NCK1: variants seen among roughly 807,000 people sequenced by gnomAD.
NCK1 encodes the protein SH2/SH3 adapter protein NCK1.
NCK1 carries 19 observed loss-of-function variants against 36.6 expected under a neutral mutation model. The observed-to-expected ratio is 0.52, with a 90% CI of 0.36 to 0.76. The LOEUF (loss-of-function observed/expected upper bound fraction) is 0.76, where lower values mean the gene tolerates loss of function less well. NCK1 is among the 30% of genes least tolerant of loss of function. The probability of loss-of-function intolerance (pLI) is 0.00; values close to 1 mark genes in which losing one functional copy is unlikely to be tolerated. For synonymous variants in NCK1, 165 were observed against 156.0 expected (o/e 1.06, Z -0.43); for missense variants, 358 against 445.6 (o/e 0.80, Z 1.77).
intron 1 of NCK1, among the ~76,000 whole-genome samples, chr3:136,913,940 G>A (rs1250811728): frequency 1.3e-5 from 2 of 152,194 alleles, no homozygotes; most frequent in Non-Finnish European, 2.9e-5. Context: ...GATTACAGGC[G>A]TGAGCCACCA....
chr3:136,933,891 A>G (rs1940455761), intron 2 of NCK1, among the ~76,000 whole-genome samples: 1 of 151,994 alleles, frequency 6.6e-6, no homozygotes, highest in Non-Finnish European at 1.5e-5. Flanking sequence ...TATTTTTAGT[A>G]GAGATGGGGT....
At chr3:136,893,147 A>AGTGT (rs142883729) in intron 1 of NCK1, among the ~76,000 whole-genome samples, 3,954 of 40,000 alleles carry the variant, frequency 0.099, 619 homozygotes, top group African/African-American at 0.15. Context: ...AATATTCCAT[A>AGTGT]GTGTGTGTGT....
At chr3:136,936,038 CTTTTT>C (rs35254283) in intron 2 of NCK1, among the ~76,000 whole-genome samples, 1 of 128,234 alleles carries the variant, frequency 7.8e-6, no homozygotes, top group Admixed American at 8.1e-5. Flanking sequence ...GTCTAAATAA[CTTTTT>C]TTTTTTTTTT....
chr3:136,873,408 A>T (rs920743297), intron 1 of NCK1, among the ~76,000 whole-genome samples: 1 of 152,088 alleles, frequency 6.6e-6, no homozygotes, highest in Admixed American at 6.5e-5. Flanking sequence ...CTGTACCCCC[A>T]TCTTATCTAG....
At chr3:136,900,836 A>G (rs185322039) in intron 1 of NCK1, among the ~76,000 whole-genome samples, 1 of 152,324 alleles carries the variant, frequency 6.6e-6, no homozygotes, top group Non-Finnish European at 1.5e-5. Context: ...CTCTAGATAT[A>G]AAATCATATC....
rs75981857 is a variant in NCK1 at position 136,907,335 on chromosome 3, C to T, written c.-18-20649C>T. On this transcript the variant is annotated intron_variant, in intron 1 of 3. Coordinates refer to ENST00000481752, the MANE Select transcript of NCK1 (RefSeq NM_001291999.2). ...GGAGATGCAGGGTCTGTTGGGTTCCCGGGCATGACAAAGTCTGGTGGGGGC... is the reference window on the plus strand; with the variant it reads ...GGAGATGCAGGGTCTGTTGGGTTCCTGGGCATGACAAAGTCTGGTGGGGGC... Among the ~76,000 whole-genome samples the T allele has an allele frequency of 3.1e-3, 465 of 152,160 alleles. 1 individual carries two copies. The highest frequency in any genetic ancestry group is 9.7e-3 in the African/African-American group (404 of 41,498).
chr3:136,919,377 A>G (rs778914567), intron 1 of NCK1, among the ~76,000 whole-genome samples: 2 of 152,154 alleles, frequency 1.3e-5, no homozygotes, highest in Non-Finnish European at 2.9e-5. Flanking sequence ...ATATGGCCCT[A>G]TTTTTATCCA....
intron 1 of NCK1, among the ~76,000 whole-genome samples, chr3:136,881,528 T>C (rs1023903134): frequency 2.0e-5 from 3 of 152,200 alleles, no homozygotes; most frequent in South Asian, 2.1e-4. Flanking sequence ...CTATTTTTTA[T>C]TGTGGTAAAC....
At position 136,867,049 on chromosome 3, in the gene NCK1, T is replaced by C. The variant is rs370857782; in HGVS notation, c.-19+4696T>C. ...TTTCCTGTTCCCTATGTTGCTTGCT[T>C]TTCTTTCTTTCTTTCTTTCTTTCTT... On this transcript the variant is annotated intron_variant, in intron 1 of 3. Transcript: ENST00000481752. Among the ~76,000 whole-genome samples the C allele has an allele frequency of 5.8e-5, 2 of 34,290 alleles. 1 individual carries two copies. Among genetic ancestry groups the C allele is most frequent in the African/African-American group, 3.1e-4 (2 of 6,444 alleles). 22.5% of individuals were successfully genotyped at this position (34,290 alleles called of 152,430 possible).
intron 1 of NCK1, among the ~76,000 whole-genome samples, chr3:136,891,931 C>T (rs1392156066): frequency 6.6e-6 from 1 of 152,224 alleles, no homozygotes; most frequent in Admixed American, 6.5e-5. Context: ...CTGTATCACT[C>T]AGGCTGGAAT....
intron 1 of NCK1, among the ~76,000 whole-genome samples, chr3:136,872,620 G>C (rs573393218): frequency 6.6e-6 from 1 of 152,240 alleles, no homozygotes; most frequent in Admixed American, 6.5e-5. Flanking sequence ...TCTGCAGGGC[G>C]TGTCGGAGGT....
chr3:136,906,769 G>A (rs951212955), intron 1 of NCK1, among the ~76,000 whole-genome samples: 9 of 152,162 alleles, frequency 5.9e-5, no homozygotes, highest in Admixed American at 3.3e-4. Flanking sequence ...CAGGTGGCAC[G>A]TGTGGTTAGT....
At chr3:136,884,315 A>G (rs1223655641) in intron 1 of NCK1, among the ~76,000 whole-genome samples, 2 of 152,216 alleles carry the variant, frequency 1.3e-5, no homozygotes, top group East Asian at 3.8e-4. Context: ...CCCTTGTCAT[A>G]TGCATTTGAA....
intron 1 of NCK1, among the ~76,000 whole-genome samples, chr3:136,902,197 T>G (rs11917123): frequency 0.13 from 14,675 of 110,126 alleles, 745 homozygotes; most frequent in African/African-American, 0.17. Context: ...TTTTTTTTTT[T>G]TTTTTGTTTT....
At position 136,934,234 on chromosome 3, in the gene NCK1, G is replaced by A. The variant is rs145321685; in HGVS notation, c.226+6007G>A. 5.5e-4 allele frequency among the ~76,000 whole-genome samples: 83 copies of A among 151,686 alleles called. 1 individual carries two copies. In the East Asian group the frequency reaches 0.015, roughly 28 times the overall value. On this transcript the variant is annotated intron_variant, in intron 2 of 3. Transcript: ENST00000481752. ...TTTTAGGGTTGGGGGTACATGTGAA[G>A]GTTTGTTACATAGGTAAATACATGT...
chr3:136,944,507 T>A (rs1376804048), intron 2 of NCK1, among the ~76,000 whole-genome samples: 2 of 152,214 alleles, frequency 1.3e-5, no homozygotes. Flanking sequence ...ACCAAAATGT[T>A]ACGGTTTAAA....
intron 1 of NCK1, among the ~76,000 whole-genome samples, chr3:136,918,879 A>G (rs1325057928): frequency 1.3e-5 from 2 of 152,216 alleles, no homozygotes; most frequent in African/African-American, 4.8e-5. Flanking sequence ...GTTTTCACTA[A>G]TGACCGTGTA....
intron 1 of NCK1, among the ~76,000 whole-genome samples, chr3:136,895,448 C>T (rs1939368173): frequency 6.6e-6 from 1 of 151,584 alleles, no homozygotes; most frequent in African/African-American, 2.4e-5. Flanking sequence ...ATTGCCATAC[C>T]ACCTTTTTAA....
chr3:136,940,263 G>C (rs899039111), intron 2 of NCK1, among the ~76,000 whole-genome samples: 1 of 152,062 alleles, frequency 6.6e-6, no homozygotes, highest in African/African-American at 2.4e-5. Flanking sequence ...TGTTTGATGG[G>C]ATATTCTCTA....
Sources: allele counts gnomAD v4.1 joint callset (sites outside exome capture counted in the v4.1 genomes callset), GRCh38; gene constraint gnomAD v4.1.1; transcripts MANE v1.5; gene names NCBI Gene and HGNC (gene_info 2026-07-23, HGNC 2026-07-21).